The following FBXO11 variants were observed in gnomAD, a reference collection of about 807,000 sequenced individuals.
FBXO11 encodes F-box only protein 11.
In FBXO11, 13 loss-of-function variants were observed where a neutral mutation model predicts 117.0. That is an observed-to-expected ratio of 0.11 (90% confidence interval 0.07 to 0.18). The LOEUF is 0.18. Ranked by LOEUF, FBXO11 falls within the 10% of genes least tolerant of loss-of-function variation. The pLI is 1.00. For missense variants in FBXO11, 767 were observed against 1,164.4 expected (o/e 0.66, Z 4.97); for synonymous variants, 490 against 380.5 (o/e 1.29, Z -3.35).
intron 14 of FBXO11, among the ~76,000 whole-genome samples, 170 bp from the exon 15 acceptor site, chr2:47,819,248 G>A (rs1487596144): frequency 2.0e-5 from 3 of 152,048 alleles, no homozygotes; most frequent in African/African-American, 7.2e-5. Context: ...ATGGAGTCTC[G>A]CTCTGTCGCC....
At chr2:47,863,901 A>G (rs965013369) in intron 1 of FBXO11, among the ~76,000 whole-genome samples, 30 of 152,044 alleles carry the variant, frequency 2.0e-4, no homozygotes, top group African/African-American at 6.8e-4. Flanking sequence ...AGATTGTGCC[A>G]ATGCACTCCA....
intron 1 of FBXO11, among the ~76,000 whole-genome samples, chr2:47,881,189 T>G (rs1431414350): frequency 6.6e-6 from 1 of 151,720 alleles, no homozygotes; most frequent in Admixed American, 6.6e-5. Context: ...GAGTCGGAGG[T>G]TGCAGTGAGC....
At chr2:47,880,420 T>C (rs917153502) in intron 1 of FBXO11, among the ~76,000 whole-genome samples, 1 of 152,262 alleles carries the variant, frequency 6.6e-6, no homozygotes, top group Admixed American at 6.5e-5. Context: ...TTGGTATTTA[T>C]GTGAAAAACA....
chr2:47,838,773 T>C (rs1045328290), intron 4 of FBXO11, 86 bp downstream of exon 4: 1 of 1,285,162 alleles, frequency 7.8e-7, no homozygotes, highest in African/African-American at 1.5e-5. Context: ...AACTACCAAC[T>C]CACCGCACCG....
intron 4 of FBXO11, among the ~76,000 whole-genome samples, chr2:47,838,058 T>A (rs1487723997): frequency 4.0e-5 from 4 of 99,058 alleles, no homozygotes; most frequent in Non-Finnish European, 5.9e-5. Context: ...AGACCCTTTG[T>A]CTCAAAAAAA....
rs757258193 is a variant in FBXO11 at position 47,835,914 on chromosome 2, C to T, written c.675G>A (p.Glu225=). 6.2e-7 allele frequency: 1 copy of T among 1,611,522 alleles called. No homozygotes were observed. The highest frequency in any genetic ancestry group is 8.5e-7 in the Non-Finnish European group (1 of 1,178,172). The stretch of plus-strand genomic sequence containing the variant: ...CTTTCCAGGGATTTGGATGTTCATA[C>T]TCTTCTGGATTAATCTGGTAGAATT... ...PGKFYQINPE[E]YEHPNPWKES... is the part of the protein sequence containing the mutation. Residue 225 remains glutamate, a synonymous_variant, in exon 5 of 23, where the codon GAG becomes GAA. Transcript: ENST00000403359.
At chr2:47,820,513 G>C in intron 13 of FBXO11, 57 bp from the exon 14 acceptor site, 1 of 1,340,254 alleles carries the variant, frequency 7.5e-7, no homozygotes, top group African/African-American at 1.4e-5. Flanking sequence ...AATACAGTAA[G>C]GATTTTACAT....
chr2:47,838,815 C>T, intron 4 of FBXO11, 44 bp downstream of exon 4: 1 of 1,576,526 alleles, frequency 6.3e-7, no homozygotes, highest in Non-Finnish European at 8.7e-7. Flanking sequence ...TTTTGGGCAA[C>T]AAATAACATA....
chr2:47,875,829 A>G (rs1348952753), intron 1 of FBXO11, among the ~76,000 whole-genome samples: 2 of 152,192 alleles, frequency 1.3e-5, no homozygotes, highest in Admixed American at 6.5e-5. Flanking sequence ...AGCCTTCTTC[A>G]TTCTCTTATT....
Position 47,901,483 on chromosome 2 carries a change from A to G in FBXO11, c.232+4006T>C, listed in dbSNP as rs377456554. On this transcript the variant is annotated intron_variant, in intron 1 of 22. Coordinates refer to ENST00000403359, the MANE Select transcript of FBXO11 (RefSeq NM_001190274.2). ...TTAAAAGGTAATAAATGAGAAACTA[A>G]TAACAGTTATTAGATTCCAGGTAGA... 9.8e-5 allele frequency among the ~76,000 whole-genome samples: 15 copies of G among 152,302 alleles called. No individual in the cohort carries two copies. In the East Asian group the frequency reaches 2.3e-3, roughly 24 times the overall value.
chr2:47,864,511 C>T (rs1004158285), intron 1 of FBXO11, among the ~76,000 whole-genome samples: 6 of 152,090 alleles, frequency 3.9e-5, no homozygotes, highest in African/African-American at 7.2e-5. Flanking sequence ...TGCTTGAACC[C>T]GGGAGGCAGA....
At chr2:47,870,828 T>A (rs1464296492) in intron 1 of FBXO11, among the ~76,000 whole-genome samples, 19 of 152,154 alleles carry the variant, frequency 1.2e-4, no homozygotes, top group Admixed American at 1.2e-3. Context: ...GTCACCAACT[T>A]CCTGCCACTA....
chr2:47,852,766 G>A (rs1035955418), intron 1 of FBXO11, among the ~76,000 whole-genome samples: 2 of 152,156 alleles, frequency 1.3e-5, no homozygotes, highest in African/African-American at 4.8e-5. Context: ...TGTTTCAAGT[G>A]TTTTATACGT....
chr2:47,884,610 G>A (rs1233658680), intron 1 of FBXO11, among the ~76,000 whole-genome samples: 1 of 152,172 alleles, frequency 6.6e-6, no homozygotes, highest in Non-Finnish European at 1.5e-5. Context: ...TTGTGTGTAT[G>A]TTTATCATTG....
At chr2:47,858,766 C>T (rs1324389883) in intron 1 of FBXO11, among the ~76,000 whole-genome samples, 9 of 150,336 alleles carry the variant, frequency 6.0e-5, no homozygotes, top group Admixed American at 2.0e-4. Flanking sequence ...GAAAAAGGGT[C>T]GGGCGCAGTG....
chr2:47,836,116 A>T (rs563830086), intron 4 of FBXO11, 115 bp from the exon 5 acceptor site: 2 of 624,824 alleles, frequency 3.2e-6, no homozygotes, highest in African/African-American at 3.8e-5. Context: ...GAAAGTAAGA[A>T]TAGACAAAAA....
Position 47,905,541 on chromosome 2 carries a change from C to T in FBXO11, c.180G>A (p.Pro60=), listed in dbSNP as rs929229146. 1 of 1,238,494 alleles carries T rather than the reference C, an allele frequency of 8.1e-7. No individual in the cohort carries two copies. The allele number at this position is 1,238,494 out of a possible 1,614,324, so 76.7% of individuals were successfully genotyped here. A position where few individuals can be genotyped will look rare whatever the true frequency, so the allele number is the denominator to read the frequency against. ...QQQQQQQPPP[P]PPPPPPLPQE... ...GAGGCAGCGGCGGAGGCGGCGGTGG[C>T]GGCGGCGGAGGCTGCTGCTGCTGCT... The change falls in exon 1 of 23, where the codon CCG becomes CCA. Residue 60 remains proline, a synonymous_variant. Coordinates refer to ENST00000403359, the MANE Select transcript of FBXO11 (RefSeq NM_001190274.2).
At chr2:47,898,655 T>C (rs747735309) in intron 1 of FBXO11, among the ~76,000 whole-genome samples, 22 of 152,144 alleles carry the variant, frequency 1.4e-4, no homozygotes, top group Non-Finnish European at 2.2e-4. Context: ...AGAGGTAAAA[T>C]TATAATCAGA....
At chr2:47,822,113 G>T in intron 13 of FBXO11, 105 bp downstream of exon 13, 2 of 762,770 alleles carry the variant, frequency 2.6e-6, no homozygotes, top group South Asian at 1.6e-5. Flanking sequence ...TTAAAGAGCT[G>T]GATCAGTGCT....
Sources: gnomAD v4.1 joint callset for allele counts (sites outside exome capture counted in the v4.1 genomes callset) on GRCh38, gnomAD v4.1.1 for gene constraint, MANE v1.5 for transcripts, NCBI Gene and HGNC (gene_info 2026-07-23, HGNC 2026-07-21) for gene names.